SVOPL: variants seen among roughly 807,000 people sequenced by gnomAD.
The protein encoded by SVOPL is putative transporter SVOPL.
SVOPL carries 60 observed loss-of-function variants against 61.0 expected under a neutral mutation model. The ratio of observed to expected loss-of-function variants is 0.98; its 90% CI spans 0.80 to 1.22. SVOPL has a LOEUF of 1.22. Ranked by LOEUF, SVOPL falls within the 50% of genes most tolerant of loss-of-function variation. The pLI is 0.00. For missense variants in SVOPL, 662 were observed against 643.9 expected (o/e 1.03, Z -0.30); for synonymous variants, 279 against 250.0 (o/e 1.12, Z -1.09).
chr7:138,601,087 T>C, intron 14 of SVOPL, among the ~76,000 whole-genome samples: 1 of 150,702 alleles, frequency 6.6e-6, no homozygotes, highest in Non-Finnish European at 1.5e-5. Context: ...CTGTCTCTAC[T>C]AAAAAATACA....
At chr7:138,681,167 AAC>A (rs1465847334) in intron 1 of SVOPL, among the ~76,000 whole-genome samples, 19 of 149,132 alleles carry the variant, frequency 1.3e-4, no homozygotes, top group African/African-American at 4.1e-4. Flanking sequence ...ATTATTATAT[AAC>A]ATATAATATT....
intron 14 of SVOPL, among the ~76,000 whole-genome samples, chr7:138,597,763 G>C (rs1232052718): frequency 6.6e-6 from 1 of 151,860 alleles, no homozygotes; most frequent in Non-Finnish European, 1.5e-5. Context: ...GCCATAATTA[G>C]GCATGTGTCT....
rs116080163 is a variant in SVOPL, at chr7:138,597,261, G to T, written c.1354-731C>A. 7 of 1,271,138 alleles carry T rather than the reference G, an allele frequency of 5.5e-6. 1 individual carries two copies. The South Asian group carries it at 8.8e-5, about 16-fold the overall frequency. 78.7% of individuals were successfully genotyped at this position (1,271,138 alleles called of 1,614,324 possible). A position where few individuals can be genotyped will look rare whatever the true frequency, so the allele number is the denominator to read the frequency against. On this transcript the variant is annotated intron_variant, in intron 14 of 15. Transcript: ENST00000674285. ...AACAGCAAAGCTCTCTAGAATCACA[G>T]AATAATGTATTATAATTTAGAAAGA... is the stretch of plus-strand genomic sequence containing the variant.
At chr7:138,687,212 T>C (rs1802836019) in intron 1 of SVOPL, among the ~76,000 whole-genome samples, 1 of 150,084 alleles carries the variant, frequency 6.7e-6, no homozygotes. Flanking sequence ...GAAGCTCTTT[T>C]TTTTCCTTTT....
In SVOPL at chr7:138,671,950, T is replaced by C. The variant is rs554389604; in HGVS notation, c.273+69A>G. 18 of 1,433,408 alleles carry C rather than the reference T, an allele frequency of 1.3e-5. No individual in the cohort carries two copies. The South Asian group carries it at 2.1e-4, about 17-fold the overall frequency. The allele number at this position is 1,433,408 out of a possible 1,614,324, so 88.8% of individuals were successfully genotyped here. On this transcript the variant is annotated intron_variant, in intron 4 of 15. Coordinates refer to ENST00000674285, the MANE Select transcript of SVOPL (RefSeq NM_001139456.2). Reference sequence around the variant, plus strand: ...TGAGACACCCTTTGGCTCTCAGCCCTGCAGGATGGAGGAAAGGGAGCCTAC... The same window carrying C: ...TGAGACACCCTTTGGCTCTCAGCCCCGCAGGATGGAGGAAAGGGAGCCTAC...
At chr7:138,648,212 C>G (rs1801219103) in intron 8 of SVOPL, among the ~76,000 whole-genome samples, 2 of 151,896 alleles carry the variant, frequency 1.3e-5, no homozygotes, top group Admixed American at 6.6e-5. Flanking sequence ...AAAAACAGGA[C>G]GGAGCCGTCA....
chr7:138,648,913 C>T (rs1313338053), intron 8 of SVOPL, 99 bp downstream of exon 8: 1 of 1,545,302 alleles, frequency 6.5e-7, no homozygotes. Flanking sequence ...CAAAGAGAGA[C>T]TCTGTCTCGA....
intron 1 of SVOPL, among the ~76,000 whole-genome samples, chr7:138,683,904 T>A (rs1802750689): frequency 6.6e-6 from 1 of 150,770 alleles, no homozygotes; most frequent in African/African-American, 2.4e-5. Flanking sequence ...ATACAAAAAT[T>A]AGCCAGGTGT....
intron 1 of SVOPL, among the ~76,000 whole-genome samples, chr7:138,692,025 C>T (rs1216959442): frequency 2.0e-5 from 3 of 151,964 alleles, no homozygotes; most frequent in Non-Finnish European, 2.9e-5. Context: ...ACCATACTGG[C>T]TAGGCTGGTC....
At position 138,615,743 on chromosome 7, in the gene SVOPL, C is replaced by T. The variant is rs1286681326; in HGVS notation, c.1353+5303G>A. Among the ~76,000 whole-genome samples the T allele has an allele frequency of 5.6e-5, 7 of 124,776 alleles. 2 individuals carry two copies. The highest frequency in any genetic ancestry group is 1.1e-4 in the Non-Finnish European group (6 of 56,786). The allele number at this position is 124,776 out of a possible 152,430, so 81.9% of individuals were successfully genotyped here. ...CTGGGAGGCGGAGGTTGCAGTGAGC[C>T]GACATCACACCACTGCACTCCAGCC... On this transcript the variant is annotated intron_variant, in intron 14 of 15. Transcript: ENST00000674285.
At chr7:138,645,006 A>G (rs1435220835) in intron 8 of SVOPL, among the ~76,000 whole-genome samples, 161 bp from the exon 9 acceptor site, 2 of 152,210 alleles carry the variant, frequency 1.3e-5, no homozygotes, top group Non-Finnish European at 2.9e-5. Context: ...TTGGATTCAA[A>G]GTTGATTTGG....
At chr7:138,599,743 C>T (rs1031467155) in intron 14 of SVOPL, among the ~76,000 whole-genome samples, 2 of 152,074 alleles carry the variant, frequency 1.3e-5, no homozygotes, top group African/African-American at 4.8e-5. Flanking sequence ...GAAAAATTAG[C>T]AGGGCGTGGT....
At chr7:138,689,053 AC>A in intron 1 of SVOPL, 1 of 720,764 alleles carries the variant, frequency 1.4e-6, no homozygotes, top group South Asian at 1.4e-5. Context: ...CTTTGTGTTC[AC>A]TTTAAGAACA....
At chr7:138,663,962 C>A (rs917242649) in intron 4 of SVOPL, among the ~76,000 whole-genome samples, 5 of 152,134 alleles carry the variant, frequency 3.3e-5, no homozygotes, top group African/African-American at 1.2e-4. Context: ...GCATTTCTCC[C>A]ACACTGAACC....
intron 14 of SVOPL, among the ~76,000 whole-genome samples, chr7:138,602,542 G>A (rs1798575612): frequency 6.6e-6 from 1 of 151,530 alleles, no homozygotes; most frequent in Admixed American, 6.6e-5. Flanking sequence ...GCTATATGCT[G>A]TAAAGAGGTG....
intron 14 of SVOPL, among the ~76,000 whole-genome samples, chr7:138,617,638 C>T (rs538254601): frequency 1.3e-5 from 2 of 152,166 alleles, no homozygotes; most frequent in East Asian, 3.9e-4. Flanking sequence ...CTTGGAAGGC[C>T]AGGCTGAGCA....
In SVOPL at chr7:138,628,199, T is replaced by C. The variant is rs750533712; in HGVS notation, c.1028A>G (p.Asp343Gly). 6.2e-7 allele frequency: 1 copy of C among 1,614,084 alleles called. No homozygotes were observed. The highest frequency in any genetic ancestry group is 2.2e-5 in the East Asian group (1 of 44,880). Residue 343 changes from aspartate to glycine, a missense_variant, in exon 11 of 16, where the codon GAC becomes GGC. Physicochemically the swap from Asp to Gly is moderately conservative, Grantham distance 94. Coordinates refer to ENST00000674285, the MANE Select transcript of SVOPL (RefSeq NM_001139456.2). ...PCYCHMFAPSDYRTMIISTIG... is the reference protein window; with the variant it reads ...PCYCHMFAPSGYRTMIISTIG... The stretch of plus-strand genomic sequence containing the variant: ...GGTGCTGATGATCATGGTCCGATAG[T>C]CAGAGGGTGCAAACATGTGGCAGTA...
chr7:138,689,565 A>C (rs1584870746), intron 1 of SVOPL: 44 of 130,950 alleles, frequency 3.4e-4, no homozygotes, highest in East Asian at 8.3e-4. Flanking sequence ...GTAAAAAAAG[A>C]AAAAAAAAAA....
chr7:138,684,709 C>T (rs535101435), intron 1 of SVOPL, among the ~76,000 whole-genome samples: 1 of 152,242 alleles, frequency 6.6e-6, no homozygotes, highest in Admixed American at 6.5e-5. Context: ...ATTGAACTAT[C>T]CTCAAAAAAT....
Sources: allele counts gnomAD v4.1 joint callset (sites outside exome capture counted in the v4.1 genomes callset), GRCh38; gene constraint gnomAD v4.1.1; transcripts MANE v1.5; gene names NCBI Gene and HGNC (gene_info 2026-07-23, HGNC 2026-07-21).